Variants in PXDNL observed in about 807,000 individuals in gnomAD.
PXDNL encodes the protein probable oxidoreductase PXDNL.
Under a neutral mutation model 150.8 loss-of-function variants are expected in PXDNL, and 145 were observed. That is an observed-to-expected ratio of 0.96 (90% confidence interval 0.84 to 1.10). The LOEUF is 1.10. PXDNL is among the 50% of genes least tolerant of loss of function. PXDNL has a pLI of 0.00. For missense variants in PXDNL, 2,087 were observed against 1,873.9 expected (o/e 1.11, Z -2.10); for synonymous variants, 757 against 725.7 (o/e 1.04, Z -0.69).
At chr8:51,606,189 A>G (rs1486636857) in intron 2 of PXDNL, among the ~76,000 whole-genome samples, 1 of 152,224 alleles carries the variant, frequency 6.6e-6, no homozygotes, top group African/African-American at 2.4e-5. Flanking sequence ...GTGCCATGAG[A>G]GGCTGAAGTG....
chr8:51,755,444 A>G (rs1368987601), intron 1 of PXDNL, among the ~76,000 whole-genome samples: 6 of 151,926 alleles, frequency 3.9e-5, no homozygotes, highest in African/African-American at 9.7e-5. Context: ...ACAGGCGCCC[A>G]CCACCACACT....
intron 4 of PXDNL, among the ~76,000 whole-genome samples, chr8:51,524,409 G>A (rs916942112): frequency 6.6e-6 from 1 of 152,116 alleles, no homozygotes; most frequent in Non-Finnish European, 1.5e-5. Context: ...AATTGGCTTG[G>A]TAGCCTCCTT....
chr8:51,515,836 C>A (rs1022494155), intron 4 of PXDNL, among the ~76,000 whole-genome samples: 1 of 152,140 alleles, frequency 6.6e-6, no homozygotes, highest in Non-Finnish European at 1.5e-5. Flanking sequence ...TAATTGTGAT[C>A]ATTTTGATAT....
chr8:51,770,853 A>G (rs2037285822), intron 1 of PXDNL, among the ~76,000 whole-genome samples: 1 of 152,212 alleles, frequency 6.6e-6, no homozygotes, highest in Non-Finnish European at 1.5e-5. Flanking sequence ...GCAGGCAGCT[A>G]TCAGAGGGAG....
rs895076942 is a variant in PXDNL, at chr8:51,675,931, C to T, written c.165-21171G>A. On this transcript the variant is annotated intron_variant, in intron 1 of 22. Coordinates refer to ENST00000356297, the MANE Select transcript of PXDNL (RefSeq NM_144651.5). ...TAGAAAGCAGACTTTCTAAAAGTCA[C>T]GTATATAGATTCATAACCCATTACA... 7.2e-5 allele frequency among the ~76,000 whole-genome samples: 11 copies of T among 152,052 alleles called. 1 individual carries two copies. The highest frequency in any genetic ancestry group is 6.6e-5 in the Admixed American group (1 of 15,264).
At chr8:51,551,182 CACAA>C (rs1482559411) in intron 4 of PXDNL, among the ~76,000 whole-genome samples, 1 of 152,036 alleles carries the variant, frequency 6.6e-6, no homozygotes, top group Non-Finnish European at 1.5e-5. Context: ...TCATAGATGA[CACAA>C]ACAAATGGAA....
chr8:51,361,017 T>C (rs1396493693), intron 19 of PXDNL, among the ~76,000 whole-genome samples: 1 of 152,222 alleles, frequency 6.6e-6, no homozygotes, highest in African/African-American at 2.4e-5. Flanking sequence ...GAAGTAGAAC[T>C]TCCTCCGATG....
At chr8:51,744,955 A>AGG (rs1554511822) in intron 1 of PXDNL, among the ~76,000 whole-genome samples, 4 of 6,028 alleles carry the variant, frequency 6.6e-4, no homozygotes, top group Admixed American at 3.3e-3. Context: ...AAAGAAAGAA[A>AGG]GAAAGAAAGA....
rs375266464 is a variant in PXDNL at position 51,520,042 on chromosome 8, T to G, written c.381-20272A>C. Among the ~76,000 whole-genome samples, 39 of 152,284 alleles carry G rather than the reference T, an allele frequency of 2.6e-4. No homozygotes were observed. In the East Asian group the frequency reaches 6.8e-3, roughly 27 times the overall value. On this transcript the variant is annotated intron_variant, in intron 4 of 22. Coordinates refer to ENST00000356297, the MANE Select transcript of PXDNL (RefSeq NM_144651.5). ...GAGTTGCTGGCGTCCAAGTGTGGAC[T>G]GCGGTTGTGGGTATCTGCCGGCTTT...
In PXDNL at chr8:51,576,197, C is replaced by T. The variant is rs1235137400; in HGVS notation, c.308+16430G>A. 1.0e-4 allele frequency among the ~76,000 whole-genome samples: 12 copies of T among 119,970 alleles called. No individual in the cohort carries two copies. The East Asian group carries it at 2.8e-3, about 28-fold the overall frequency. The allele number at this position is 119,970 out of a possible 152,430, so 78.7% of individuals were successfully genotyped here. A position where few individuals can be genotyped will look rare whatever the true frequency, so the allele number is the denominator to read the frequency against. On this transcript the variant is annotated intron_variant, in intron 3 of 22. Transcript: ENST00000356297. ...TAACTCACATTATTAGAACACTGCTCCAAAAAAAAAAAAAAAACAAACAAA... is the reference window on the plus strand; with the variant it reads ...TAACTCACATTATTAGAACACTGCTTCAAAAAAAAAAAAAAAACAAACAAA...
chr8:51,390,125 A>T (rs919986340), intron 17 of PXDNL, among the ~76,000 whole-genome samples: 1 of 152,194 alleles, frequency 6.6e-6, no homozygotes, highest in Non-Finnish European at 1.5e-5. Context: ...TGTTAATGAG[A>T]AAATGAGGAT....
At chr8:51,414,803 A>G (rs896103980) in intron 14 of PXDNL, among the ~76,000 whole-genome samples, 1 of 152,230 alleles carries the variant, frequency 6.6e-6, no homozygotes, top group Non-Finnish European at 1.5e-5. Flanking sequence ...ATACACTAAG[A>G]AACAAATATA....
chr8:51,518,060 C>G (rs1034140526), intron 4 of PXDNL, among the ~76,000 whole-genome samples: 1 of 152,210 alleles, frequency 6.6e-6, no homozygotes, highest in Non-Finnish European at 1.5e-5. Context: ...TGTTTCTTCA[C>G]AGTGTTCTTC....
intron 1 of PXDNL, among the ~76,000 whole-genome samples, chr8:51,704,947 T>C (rs1281836070): frequency 6.6e-6 from 1 of 152,206 alleles, no homozygotes; most frequent in Non-Finnish European, 1.5e-5. Context: ...ATAAACACTT[T>C]ATACTAAATT....
At chr8:51,323,649 C>T (rs897451057) in intron 21 of PXDNL, among the ~76,000 whole-genome samples, 2 of 152,074 alleles carry the variant, frequency 1.3e-5, no homozygotes, top group African/African-American at 4.8e-5. Flanking sequence ...TGCGGTGGCT[C>T]ATGCTTATAA....
intron 1 of PXDNL, among the ~76,000 whole-genome samples, chr8:51,756,123 G>A (rs1313738973): frequency 6.6e-6 from 1 of 152,138 alleles, no homozygotes; most frequent in Non-Finnish European, 1.5e-5. Flanking sequence ...ACCGGGTGCA[G>A]TGGCTCACCC....
At chr8:51,711,483 A>C (rs1223471808) in intron 1 of PXDNL, among the ~76,000 whole-genome samples, 1 of 152,246 alleles carries the variant, frequency 6.6e-6, no homozygotes. Flanking sequence ...TGTTTGCTTC[A>C]GTTATACATA....
At chr8:51,683,273 A>G (rs1815798381) in intron 1 of PXDNL, among the ~76,000 whole-genome samples, 1 of 144,714 alleles carries the variant, frequency 6.9e-6, no homozygotes, top group South Asian at 2.3e-4. Context: ...TTTGGTATCA[A>G]TTGAGGCGAT....
At chr8:51,690,957 A>G (rs1815983572) in intron 1 of PXDNL, among the ~76,000 whole-genome samples, 1 of 152,090 alleles carries the variant, frequency 6.6e-6, no homozygotes, top group Non-Finnish European at 1.5e-5. Context: ...TTTTGGCTGC[A>G]TAAATGTCTT....
Sources: gnomAD v4.1 joint callset for allele counts (sites outside exome capture counted in the v4.1 genomes callset) on GRCh38, gnomAD v4.1.1 for gene constraint, MANE v1.5 for transcripts, NCBI Gene and HGNC (gene_info 2026-07-23, HGNC 2026-07-21) for gene names.